The following AHCYL2 variants were observed in gnomAD, a reference collection of about 807,000 sequenced individuals.
The protein encoded by AHCYL2 is adenosylhomocysteinase like 2.
AHCYL2 carries 28 observed loss-of-function variants against 81.4 expected under a neutral mutation model. The observed-to-expected ratio is 0.34, with a 90% CI of 0.25 to 0.47. The LOEUF is 0.47. AHCYL2 is among the 20% of genes least tolerant of loss of function. The pLI is 1.00. For synonymous variants in AHCYL2, 272 were observed against 290.2 expected, an observed-to-expected ratio of 0.94 and a Z score of 0.64; for missense variants, 551 against 785.1, an observed-to-expected ratio of 0.70 and a Z score of 3.56.
At chr7:129,270,635 C>G (rs1026092327) in intron 1 of AHCYL2, among the ~76,000 whole-genome samples, 4 of 152,170 alleles carry the variant, frequency 2.6e-5, no homozygotes, top group African/African-American at 9.7e-5. Flanking sequence ...AGTACATAAG[C>G]TAAAGTTACG....
chr7:129,370,344 CT>C (rs1794320728), intron 1 of AHCYL2, among the ~76,000 whole-genome samples: 1 of 152,118 alleles, frequency 6.6e-6, no homozygotes, highest in African/African-American at 2.4e-5. Context: ...TTAGAAAACA[CT>C]CTTTATTTAA....
chr7:129,256,740 A>G (rs1239130863), intron 1 of AHCYL2, among the ~76,000 whole-genome samples: 1 of 151,874 alleles, frequency 6.6e-6, no homozygotes, highest in Non-Finnish European at 1.5e-5. Context: ...TTGAACACCT[A>G]TGTGAATTAT....
At chr7:129,382,185 T>C (rs1304213708) in intron 2 of AHCYL2, among the ~76,000 whole-genome samples, 4 of 152,236 alleles carry the variant, frequency 2.6e-5, no homozygotes, top group Non-Finnish European at 5.9e-5. Context: ...AAGAGTTTCA[T>C]GTGCATCGAA....
At chr7:129,356,637 A>G (rs1563209828) in intron 1 of AHCYL2, among the ~76,000 whole-genome samples, 1 of 152,164 alleles carries the variant, frequency 6.6e-6, no homozygotes, top group Non-Finnish European at 1.5e-5. Flanking sequence ...TCTTCTCAAT[A>G]TAAGAGCAAT....
intron 1 of AHCYL2, among the ~76,000 whole-genome samples, chr7:129,274,861 A>G (rs1466397257): frequency 6.6e-6 from 1 of 152,126 alleles, no homozygotes; most frequent in Non-Finnish European, 1.5e-5. Flanking sequence ...AGCAGACACC[A>G]TCTGGAGAAG....
intron 1 of AHCYL2, among the ~76,000 whole-genome samples, chr7:129,229,662 C>T (rs1794350130): frequency 6.6e-6 from 1 of 152,150 alleles, no homozygotes; most frequent in Non-Finnish European, 1.5e-5. Context: ...GTCTGTCTGG[C>T]TAAGGCTTAG....
intron 1 of AHCYL2, among the ~76,000 whole-genome samples, chr7:129,243,275 G>A (rs1016766800): frequency 6.6e-6 from 1 of 151,548 alleles, no homozygotes; most frequent in Non-Finnish European, 1.5e-5. Context: ...CACCTGCCTC[G>A]GCCTCCCAAA....
rs545938366 is a variant in AHCYL2, at chr7:129,267,904, A to G, written c.363+42465A>G. ...TGATTGGGTAAATGGTCATACTCCT[A>G]TTTATTTAAAAGTACCTATAACATG... is the stretch of plus-strand genomic sequence containing the variant. On this transcript the variant is annotated intron_variant, in intron 1 of 16. Transcript: ENST00000325006. Among the ~76,000 whole-genome samples the G allele has an allele frequency of 3.3e-5, 5 of 152,230 alleles. No homozygotes were observed. In the East Asian group the frequency reaches 5.8e-4, roughly 18 times the overall value.
At chr7:129,361,628 A>ATG (rs1793933549) in intron 1 of AHCYL2, among the ~76,000 whole-genome samples, 1 of 152,078 alleles carries the variant, frequency 6.6e-6, no homozygotes, top group Admixed American at 6.6e-5. Flanking sequence ...TATTTTATGT[A>ATG]TGTGTGTGTG....
At chr7:129,408,563 G>GTT (rs1324608435) in intron 10 of AHCYL2, among the ~76,000 whole-genome samples, 2 of 152,202 alleles carry the variant, frequency 1.3e-5, no homozygotes, top group Non-Finnish European at 2.9e-5. Context: ...TTCAAACACA[G>GTT]TAAGTTTGAG....
At chr7:129,302,782 T>G (rs1339503169) in intron 1 of AHCYL2, among the ~76,000 whole-genome samples, 1 of 152,230 alleles carries the variant, frequency 6.6e-6, no homozygotes, top group African/African-American at 2.4e-5. Context: ...TGAGGATTTT[T>G]ACATAAATGT....
intron 1 of AHCYL2, among the ~76,000 whole-genome samples, chr7:129,230,202 C>G (rs977662323): frequency 7.3e-5 from 11 of 151,200 alleles, no homozygotes; most frequent in African/African-American, 2.7e-4. Flanking sequence ...CCTGTCTTGC[C>G]CTCCTGAGTA....
At position 129,420,477 on chromosome 7, in the gene AHCYL2, CTTTTTTT is replaced by C. The variant is rs11414828; in HGVS notation, c.1462-2350_1462-2344del. Among the ~76,000 whole-genome samples the C allele has an allele frequency of 5.5e-5, 7 of 126,836 alleles. No individual in the cohort carries two copies. The Admixed American group carries it at 5.8e-4, about 10-fold the overall frequency. 83.2% of individuals were successfully genotyped at this position (126,836 alleles called of 152,430 possible). On this transcript the variant is annotated intron_variant, in intron 12 of 16. Transcript: ENST00000325006. ...TCAAAATGGTCTGTTTGCTTAAATTCTTTTTTTTTTTTTTTTTTTGAGACAAGATCTC... is the reference window on the plus strand; with the variant it reads ...TCAAAATGGTCTGTTTGCTTAAATTCTTTTTTTTTTTTGAGACAAGATCTC...
intron 1 of AHCYL2, among the ~76,000 whole-genome samples, chr7:129,257,442 C>G (rs1647714249): frequency 6.6e-6 from 1 of 152,024 alleles, no homozygotes; most frequent in Non-Finnish European, 1.5e-5. Flanking sequence ...GGGGCAAAGA[C>G]TAGCAGAAGA....
Position 129,225,439 on chromosome 7 carries a change from G to T in AHCYL2, c.363G>T (p.Lys121Asn). 6.6e-7 allele frequency: 1 copy of T among 1,508,540 alleles called. No individual in the cohort carries two copies. The allele number at this position is 1,508,540 out of a possible 1,614,324, so 93.4% of individuals were successfully genotyped here. ...CCGAGGCGCCGCGCACAGTCAAGAA[G>T]GTACTGGGGCCGGGCTGCCTCTCTA... ...TVTEAPRTVK[K>N]QIQFADQKQE... The change falls in exon 1 of 17, where the codon AAG becomes AAT. Residue 121 changes from lysine to asparagine, a missense_variant and splice_region_variant. Physicochemically the swap from Lys to Asn is moderately conservative, Grantham distance 94. This residue lies in a region of AHCYL2 where 235 missense variants were observed against 242.1 expected (regional missense o/e 0.97). Coordinates refer to ENST00000325006, the MANE Select transcript of AHCYL2 (RefSeq NM_015328.4).
At chr7:129,411,079 T>TG (rs1796551139) in intron 11 of AHCYL2, among the ~76,000 whole-genome samples, 1 of 152,128 alleles carries the variant, frequency 6.6e-6, no homozygotes, top group South Asian at 2.1e-4. Context: ...CCTTTTTTTT[T>TG]TTTTAATTGC....
At chr7:129,398,733 G>A (rs1412665880) in intron 5 of AHCYL2, among the ~76,000 whole-genome samples, 2 of 151,818 alleles carry the variant, frequency 1.3e-5, no homozygotes, top group African/African-American at 4.8e-5. Context: ...GAGCTGTAAG[G>A]GCAAATGAGA....
intron 1 of AHCYL2, among the ~76,000 whole-genome samples, chr7:129,230,806 C>T (rs142197288): frequency 0.017 from 2,519 of 151,582 alleles, 22 homozygotes; most frequent in Admixed American, 0.028. Context: ...CTTCTGACCT[C>T]GTGATCCACC....
rs1387741629 is a variant in AHCYL2, at chr7:129,406,219, C to T, written c.1207-159C>T. On this transcript the variant is annotated intron_variant, in intron 9 of 16. Transcript: ENST00000325006. This position sits in a 1 kb window ranked among gnomAD's most constrained non-coding sequence, Gnocchi z 4.3. ...CAGGAGCCAGGGGTTTGTTTATGAG[C>T]TGCATTCAATTATTTGTTCTTCTCG... 2.6e-5 allele frequency among the ~76,000 whole-genome samples: 4 copies of T among 151,648 alleles called. No individual in the cohort carries two copies. The highest frequency in any genetic ancestry group is 5.9e-5 in the Non-Finnish European group (4 of 68,006).
Sources: allele counts gnomAD v4.1 joint callset (sites outside exome capture counted in the v4.1 genomes callset), GRCh38; gene constraint gnomAD v4.1.1; regional missense constraint gnomAD v4.1.1; non-coding constraint Gnocchi (gnomAD v3.1); transcripts MANE v1.5; gene names NCBI Gene and HGNC (gene_info 2026-07-23, HGNC 2026-07-21).